The following AGBL4 variants were observed in gnomAD, a reference collection of about 807,000 sequenced individuals.
AGBL4 encodes the protein cytosolic carboxypeptidase 6.
In AGBL4, 58 loss-of-function variants were observed where a neutral mutation model predicts 66.4. The ratio of observed to expected loss-of-function variants is 0.87; its 90% CI spans 0.71 to 1.09. The LOEUF (loss-of-function observed/expected upper bound fraction) is 1.09. AGBL4 is among the 50% of genes least tolerant of loss of function. The pLI, the probability that AGBL4 is intolerant of heterozygous loss-of-function variation, is 0.00. For synonymous variants in AGBL4, 234 were observed against 222.9 expected, an observed-to-expected ratio of 1.05 and a Z score of -0.44; for missense variants, 579 against 631.0, an observed-to-expected ratio of 0.92 and a Z score of 0.88.
chr1:49,937,925 A>G lies in AGBL4; in HGVS notation c.34+85838T>C, dbSNP rs550899019. On this transcript the variant is annotated intron_variant, in intron 1 of 13. Coordinates refer to ENST00000371839, the MANE Select transcript of AGBL4 (RefSeq NM_032785.4). The stretch of plus-strand genomic sequence containing the variant: ...TCCAAAATTGACACCCTAACATCAC[A>G]ATTAAAAGAACTAGAAAAGCAAGAG... Among the ~76,000 whole-genome samples, 702 of 152,292 alleles carry G rather than the reference A, an allele frequency of 4.6e-3. 5 individuals carry two copies. Among genetic ancestry groups the G allele is most frequent in the African/African-American group, 0.015 (638 of 41,548 alleles).
At chr1:49,070,560 C>T (rs1644581631) in intron 4 of AGBL4, among the ~76,000 whole-genome samples, 1 of 151,950 alleles carries the variant, frequency 6.6e-6, no homozygotes, top group East Asian at 1.9e-4. Context: ...GTTGAACCAG[C>T]CTTGCATCCC....
intron 5 of AGBL4, among the ~76,000 whole-genome samples, chr1:48,985,638 A>G (rs1233342503): frequency 6.6e-6 from 1 of 152,134 alleles, no homozygotes; most frequent in Non-Finnish European, 1.5e-5. Flanking sequence ...CAAGACTTCA[A>G]AGAACGAAAC....
At chr1:49,342,552 G>A (rs1645561479) in intron 3 of AGBL4, among the ~76,000 whole-genome samples, 1 of 152,152 alleles carries the variant, frequency 6.6e-6, no homozygotes, top group South Asian at 2.1e-4. Flanking sequence ...GAATTTTGCA[G>A]TTCATGTCAC....
intron 3 of AGBL4, among the ~76,000 whole-genome samples, chr1:49,415,275 AC>A (rs962274181): frequency 6.6e-6 from 1 of 152,162 alleles, no homozygotes; most frequent in Non-Finnish European, 1.5e-5. Context: ...GGACTGTATT[AC>A]TTATATCAGA....
intron 6 of AGBL4, among the ~76,000 whole-genome samples, chr1:48,714,673 A>G (rs1035236750): frequency 1.3e-5 from 2 of 152,170 alleles, no homozygotes; most frequent in African/African-American, 4.8e-5. Context: ...TTCCTGGCTC[A>G]ACACTCTTCA....
At chr1:49,553,732 T>A (rs937950864) in intron 3 of AGBL4, among the ~76,000 whole-genome samples, 4 of 152,226 alleles carry the variant, frequency 2.6e-5, no homozygotes, top group Admixed American at 2.6e-4. Flanking sequence ...TACTTCATTT[T>A]CAATTTGGGA....
chr1:49,300,347 TA>T (rs1244258995), intron 3 of AGBL4, among the ~76,000 whole-genome samples: 1 of 152,250 alleles, frequency 6.6e-6, no homozygotes, highest in Non-Finnish European at 1.5e-5. Flanking sequence ...CATTAATTGG[TA>T]AAATGGGAAA....
chr1:48,595,892 T>C (rs997378077), intron 9 of AGBL4, among the ~76,000 whole-genome samples: 3 of 152,140 alleles, frequency 2.0e-5, no homozygotes, highest in Non-Finnish European at 2.9e-5. Flanking sequence ...TTCAGTTCAG[T>C]GAAGGAAGGA....
At chr1:49,100,239 T>A (rs1645176537) in intron 4 of AGBL4, among the ~76,000 whole-genome samples, 1 of 152,178 alleles carries the variant, frequency 6.6e-6, no homozygotes, top group African/African-American at 2.4e-5. Context: ...GGAGCTAGAA[T>A]GGCTTTTCAG....
At chr1:49,509,568 A>C (rs1057144174) in intron 3 of AGBL4, among the ~76,000 whole-genome samples, 3 of 151,956 alleles carry the variant, frequency 2.0e-5, no homozygotes, top group African/African-American at 7.2e-5. Flanking sequence ...GAGGCCTCTA[A>C]ATACCAAGGT....
At chr1:49,895,188 T>C (rs1649064494) in intron 1 of AGBL4, among the ~76,000 whole-genome samples, 1 of 148,094 alleles carries the variant, frequency 6.8e-6, no homozygotes, top group Non-Finnish European at 1.5e-5. Context: ...AAGAAGACTT[T>C]CCCAGTTTAA....
intron 3 of AGBL4, among the ~76,000 whole-genome samples, chr1:49,530,074 T>C (rs1375218811): frequency 6.6e-6 from 1 of 151,732 alleles, no homozygotes; most frequent in Admixed American, 6.6e-5. Flanking sequence ...AGATTACCAC[T>C]TGCTTCTGTA....
At chr1:49,982,429 G>A (rs574421811) in intron 1 of AGBL4, among the ~76,000 whole-genome samples, 1 of 152,358 alleles carries the variant, frequency 6.6e-6, no homozygotes, top group South Asian at 2.1e-4. Context: ...GACTTTGGGT[G>A]CCAACAAACA....
rs563305168 is a variant in AGBL4, at chr1:49,318,608, T to A, written c.283-72744A>T. On this transcript the variant is annotated intron_variant, in intron 3 of 13. Coordinates refer to ENST00000371839, the MANE Select transcript of AGBL4 (RefSeq NM_032785.4). ...AAAAACATTTAATGTATACAAATAT[T>A]TAGAATGTATTGCCAAGTAGAAAAT... 2.2e-3 allele frequency among the ~76,000 whole-genome samples: 340 copies of A among 152,108 alleles called. 4 individuals carry two copies. The highest frequency in any genetic ancestry group is 7.9e-3 in the African/African-American group (327 of 41,504).
chr1:49,870,484 G>A (rs1207414519), intron 1 of AGBL4, among the ~76,000 whole-genome samples: 2 of 150,942 alleles, frequency 1.3e-5, no homozygotes, highest in Non-Finnish European at 2.9e-5. Flanking sequence ...TTGAGGCGAT[G>A]AGTGCCTCAT....
At chr1:48,689,352 A>G (rs957145430) in intron 6 of AGBL4, among the ~76,000 whole-genome samples, 1 of 151,994 alleles carries the variant, frequency 6.6e-6, no homozygotes, top group Non-Finnish European at 1.5e-5. Context: ...GACAGTGAGG[A>G]GGCTGCATTA....
At chr1:49,456,975 T>C (rs1252418295) in intron 3 of AGBL4, among the ~76,000 whole-genome samples, 3 of 151,798 alleles carry the variant, frequency 2.0e-5, no homozygotes, top group Admixed American at 6.6e-5. Flanking sequence ...CACTCATTGA[T>C]TGATGAGCAT....
At chr1:49,540,600 G>T (rs1242080731) in intron 3 of AGBL4, among the ~76,000 whole-genome samples, 4 of 152,090 alleles carry the variant, frequency 2.6e-5, no homozygotes, top group African/African-American at 9.7e-5. Context: ...GTTAGCAAAA[G>T]GATGTATACT....
chr1:48,807,408 A>G (rs1645949957), intron 6 of AGBL4, among the ~76,000 whole-genome samples: 1 of 152,248 alleles, frequency 6.6e-6, no homozygotes, highest in African/African-American at 2.4e-5. Flanking sequence ...ATTAAGAAGA[A>G]CAAAACTCCC....
Sources: gnomAD v4.1 joint callset for allele counts (sites outside exome capture counted in the v4.1 genomes callset) on GRCh38, gnomAD v4.1.1 for gene constraint, MANE v1.5 for transcripts, NCBI Gene and HGNC (gene_info 2026-07-23, HGNC 2026-07-21) for gene names.